PAK2: variants seen among roughly 807,000 people sequenced by gnomAD.
The protein encoded by PAK2 is p21 (RAC1) activated kinase 2, also known as serine/threonine-protein kinase PAK 2.
In PAK2, 21 loss-of-function variants were observed where a neutral mutation model predicts 65.9. That is an observed-to-expected ratio of 0.32 (90% confidence interval 0.23 to 0.46). The LOEUF (loss-of-function observed/expected upper bound fraction) is 0.46. Ranked by LOEUF, PAK2 falls within the 20% of genes least tolerant of loss-of-function variation. The pLI is 1.00. For missense variants in PAK2, 324 were observed against 642.6 expected, an observed-to-expected ratio of 0.50 and a Z score of 5.36; for synonymous variants, 204 against 219.7, an observed-to-expected ratio of 0.93 and a Z score of 0.63.
At chr3:196,750,210 G>C (rs1030902122) in intron 1 of PAK2, among the ~76,000 whole-genome samples, 4 of 151,812 alleles carry the variant, frequency 2.6e-5, no homozygotes, top group African/African-American at 9.7e-5. Flanking sequence ...GGTTGGTCTC[G>C]AACTCCTGAG....
At chr3:196,754,636 C>T (rs117694324) in intron 1 of PAK2, among the ~76,000 whole-genome samples, 1 of 152,178 alleles carries the variant, frequency 6.6e-6, no homozygotes, top group African/African-American at 2.4e-5. Context: ...TGATCTTACA[C>T]CCACAACATA....
At chr3:196,746,269 A>G (rs1276925855) in intron 1 of PAK2, among the ~76,000 whole-genome samples, 1 of 152,154 alleles carries the variant, frequency 6.6e-6, no homozygotes, top group Non-Finnish European at 1.5e-5. Context: ...GAGAAAGATT[A>G]TTATTTTATT....
At chr3:196,750,299 C>T (rs776734844) in intron 1 of PAK2, among the ~76,000 whole-genome samples, 1 of 151,816 alleles carries the variant, frequency 6.6e-6, no homozygotes, top group African/African-American at 2.4e-5. Flanking sequence ...CTATACCTGG[C>T]TAATTTTTAA....
In PAK2 at chr3:196,807,824, G is replaced by A. The variant is rs745362813; in HGVS notation, c.619G>A (p.Gly207Ser). 2.5e-5 allele frequency: 41 copies of A among 1,612,598 alleles called. No individual in the cohort carries two copies. Among genetic ancestry groups the A allele is most frequent in the Non-Finnish European group, 3.2e-5 (38 of 1,179,180 alleles). Reference protein sequence around the residue: ...SVIDPVPAPVGDSHVDGAAKS... With the variant: ...SVIDPVPAPVSDSHVDGAAKS... ...AATTGACCCTGTTCCTGCACCAGTT[G>A]GTGATTCACATGTTGATGGTGCTGC... is the stretch of plus-strand genomic sequence containing the variant. The change falls in exon 7 of 15, where the codon GGT becomes AGT. Residue 207 changes from glycine (G) to serine (S), a missense_variant. Transcript: ENST00000327134.
At chr3:196,777,289 C>T (rs543841703) in intron 1 of PAK2, among the ~76,000 whole-genome samples, 1 of 152,164 alleles carries the variant, frequency 6.6e-6, no homozygotes, top group East Asian at 1.9e-4. Flanking sequence ...CTGCAACTTC[C>T]GCCTCCCAGG....
At chr3:196,779,581 A>C (rs1417401565) in intron 1 of PAK2, among the ~76,000 whole-genome samples, 1 of 152,220 alleles carries the variant, frequency 6.6e-6, no homozygotes, top group East Asian at 1.9e-4. Context: ...GTGCATTGGC[A>C]GTTTCTACTC....
intron 2 of PAK2, among the ~76,000 whole-genome samples, chr3:196,783,702 T>G (rs1198773264): frequency 6.6e-6 from 1 of 152,122 alleles, no homozygotes. Flanking sequence ...CATCCTAACC[T>G]TCTCTTCGTC....
At chr3:196,805,218 C>A (rs976626137) in intron 4 of PAK2, 134 bp from the exon 5 acceptor site, 34 of 581,688 alleles carry the variant, frequency 5.8e-5, no homozygotes, top group Non-Finnish European at 1.8e-5. Flanking sequence ...CTTGCGTGTT[C>A]ATTTTTCTCA....
intron 11 of PAK2, among the ~76,000 whole-genome samples, chr3:196,817,414 G>A (rs566717667): frequency 4.0e-5 from 6 of 151,792 alleles, no homozygotes; most frequent in Non-Finnish European, 8.8e-5. Flanking sequence ...GCAGTGGTGC[G>A]ATCTTGGCTC....
At chr3:196,812,423 G>A (rs936037355) in intron 9 of PAK2, among the ~76,000 whole-genome samples, 156 bp downstream of exon 9, 2 of 152,154 alleles carry the variant, frequency 1.3e-5, no homozygotes, top group Non-Finnish European at 2.9e-5. Flanking sequence ...CAGTAAGGCG[G>A]GGAAGGACTT....
At chr3:196,806,478 C>A in intron 5 of PAK2, 101 bp from the exon 6 acceptor site, 1 of 697,098 alleles carries the variant, frequency 1.4e-6, no homozygotes, top group Admixed American at 2.2e-5. Flanking sequence ...TTGAAATGAG[C>A]TATCAAAGAA....
At chr3:196,809,300 C>T (rs1165539996) in intron 7 of PAK2, among the ~76,000 whole-genome samples, 1 of 146,178 alleles carries the variant, frequency 6.8e-6, no homozygotes, top group Non-Finnish European at 1.5e-5. Flanking sequence ...TTTGATTTCT[C>T]AGTGCTTTCA....
chr3:196,815,652 T>TGTTG, intron 11 of PAK2, among the ~76,000 whole-genome samples: 1 of 151,906 alleles, frequency 6.6e-6, no homozygotes, highest in Admixed American at 6.6e-5. Flanking sequence ...CTGGGTGTGG[T>TGTTG]GGTACGCGCC....
chr3:196,798,804 C>T (rs1715335722), intron 2 of PAK2, among the ~76,000 whole-genome samples: 1 of 152,116 alleles, frequency 6.6e-6, no homozygotes, highest in Non-Finnish European at 1.5e-5. Flanking sequence ...GGGTTTGTCT[C>T]AATACATGGA....
intron 1 of PAK2, among the ~76,000 whole-genome samples, chr3:196,760,471 G>A (rs182419913): frequency 6.6e-6 from 1 of 152,192 alleles, no homozygotes; most frequent in Admixed American, 6.5e-5. Flanking sequence ...GGCTGGTCTC[G>A]AACTCCTGAG....
intron 11 of PAK2, among the ~76,000 whole-genome samples, chr3:196,815,155 G>A (rs897563087): frequency 7.1e-4 from 108 of 151,606 alleles, no homozygotes; most frequent in Non-Finnish European, 1.3e-3. Context: ...ACTCCAGCCT[G>A]GGCAACAGAG....
chr3:196,761,706 G>A (rs1713971681), intron 1 of PAK2, among the ~76,000 whole-genome samples: 1 of 139,080 alleles, frequency 7.2e-6, no homozygotes, highest in African/African-American at 2.6e-5. Flanking sequence ...CCGGGCAGAG[G>A]GGCTCCTCAC....
chr3:196,798,606 A>G (rs1446512061), intron 2 of PAK2, among the ~76,000 whole-genome samples: 2 of 152,150 alleles, frequency 1.3e-5, no homozygotes, highest in East Asian at 3.8e-4. Flanking sequence ...AGCCTCCCAA[A>G]GTGCTAGGAT....
At chr3:196,753,398 C>T (rs1713671350) in intron 1 of PAK2, among the ~76,000 whole-genome samples, 1 of 151,794 alleles carries the variant, frequency 6.6e-6, no homozygotes, top group Non-Finnish European at 1.5e-5. Context: ...GCACATGCCA[C>T]CACACCCGCC....
Sources: gnomAD v4.1 joint callset for allele counts (sites outside exome capture counted in the v4.1 genomes callset) on GRCh38, gnomAD v4.1.1 for gene constraint, MANE v1.5 for transcripts, NCBI Gene and HGNC (gene_info 2026-07-23, HGNC 2026-07-21) for gene names.